Variants in DNAAF1 observed in about 807,000 individuals in gnomAD.
DNAAF1 encodes dynein assembly factor 1, axonemal.
DNAAF1 carries 65 observed loss-of-function variants against 71.1 expected under a neutral mutation model. The ratio of observed to expected loss-of-function variants is 0.91; its 90% CI spans 0.75 to 1.12. The LOEUF (loss-of-function observed/expected upper bound fraction) is 1.12, where lower values mean the gene tolerates loss of function less well. Ranked by LOEUF, DNAAF1 falls within the 50% of genes most tolerant of loss-of-function variation. The pLI is 0.00. For missense variants in DNAAF1, 1,178 were observed against 899.8 expected (o/e 1.31, Z -3.96); for synonymous variants, 414 against 354.6 (o/e 1.17, Z -1.88).
chr16:84,169,880 ATGG>A lies in DNAAF1; in HGVS notation c.1055_1057del (p.Gly352del). 1.9e-6 allele frequency: 3 copies of A among 1,613,948 alleles called. No homozygotes were observed. Among genetic ancestry groups the A allele is most frequent in the Non-Finnish European group, 1.7e-6 (2 of 1,180,046 alleles). On this transcript the variant is annotated inframe_deletion, in exon 8 of 12. Transcript: ENST00000378553. ...TTAGGGGAGATGACATCTTCAGATG[ATGG>A]TGAGAATGTGCCCGCCAGTGCGGAA...
intron 3 of DNAAF1, 34 bp from the exon 4 acceptor site, chr16:84,154,543 G>A: frequency 1.3e-6 from 2 of 1,598,082 alleles, no homozygotes; most frequent in Non-Finnish European, 8.6e-7. Context: ...CCTGGGAGTA[G>A]GAGCTTAATT....
At chr16:84,158,502 G>T (rs894052877) in intron 5 of DNAAF1, among the ~76,000 whole-genome samples, 6 of 152,176 alleles carry the variant, frequency 3.9e-5, no homozygotes, top group African/African-American at 1.4e-4. Flanking sequence ...CACATTCTGA[G>T]GTGCTGAGGG....
rs930724585 is a variant in DNAAF1 at position 84,177,894 on chromosome 16, G to C, written c.*53G>C. 2.0e-6 allele frequency: 3 copies of C among 1,470,852 alleles called. No homozygotes were observed. The African/African-American group carries it at 4.2e-5, about 20-fold the overall frequency. The allele number at this position is 1,470,852 out of a possible 1,614,324, so 91.1% of individuals were successfully genotyped here. ...GGTTTAATCATAAATGTCTCCCTTA[G>C]GCATGATAAACATTTTAACACCCAC... On this transcript the variant is annotated 3_prime_UTR_variant, in exon 12 of 12. Transcript: ENST00000378553.
At chr16:84,175,693 G>C (rs550726972) in intron 10 of DNAAF1, 1 of 555,366 alleles carries the variant, frequency 1.8e-6, no homozygotes, top group African/African-American at 1.9e-5. Flanking sequence ...AGGAGGGTGA[G>C]GAATAGCCAG....
intron 1 of DNAAF1, among the ~76,000 whole-genome samples, chr16:84,148,025 G>C (rs987990979): frequency 6.6e-6 from 1 of 151,656 alleles, no homozygotes; most frequent in Non-Finnish European, 1.5e-5. Context: ...CTGAGATCCC[G>C]CCACTGCACT....
intron 1 of DNAAF1, among the ~76,000 whole-genome samples, chr16:84,148,280 A>G (rs1202445890): frequency 1.3e-5 from 2 of 152,014 alleles, no homozygotes; most frequent in Non-Finnish European, 2.9e-5. Context: ...CTTATTTTGA[A>G]ACTTGCTTTT....
intron 7 of DNAAF1, among the ~76,000 whole-genome samples, chr16:84,167,530 G>T (rs1474240571): frequency 6.6e-6 from 1 of 152,136 alleles, no homozygotes; most frequent in Non-Finnish European, 1.5e-5. Flanking sequence ...AACAAAAGAT[G>T]TGCCTGTCAC....
intron 10 of DNAAF1, 45 bp from the exon 11 acceptor site, chr16:84,175,888 G>A: frequency 2.5e-6 from 4 of 1,608,394 alleles, no homozygotes; most frequent in Non-Finnish European, 2.5e-6. Flanking sequence ...GAGCGATTCT[G>A]TTGTGAAAAC....
At chr16:84,166,701 A>T (rs902285763) in intron 7 of DNAAF1, among the ~76,000 whole-genome samples, 1 of 152,096 alleles carries the variant, frequency 6.6e-6, no homozygotes, top group Non-Finnish European at 1.5e-5. Flanking sequence ...ATTTCCTCAC[A>T]ACCTGCAGAT....
chr16:84,169,355 G>A (rs1331036014), intron 7 of DNAAF1, among the ~76,000 whole-genome samples: 4 of 151,646 alleles, frequency 2.6e-5, no homozygotes, highest in African/African-American at 9.7e-5. Context: ...CAAAATGCTG[G>A]GATTACAAGC....
intron 7 of DNAAF1, among the ~76,000 whole-genome samples, chr16:84,169,292 G>C (rs1160150501): frequency 6.7e-6 from 1 of 149,866 alleles, no homozygotes; most frequent in Non-Finnish European, 1.5e-5. Context: ...CACCATGTTT[G>C]TCAGGCTGGT....
At chr16:84,167,294 A>G (rs1305381705) in intron 7 of DNAAF1, among the ~76,000 whole-genome samples, 1 of 152,160 alleles carries the variant, frequency 6.6e-6, no homozygotes, top group East Asian at 1.9e-4. Context: ...CTCTCTGGCC[A>G]CACCCCGCTC....
rs544934923 is a variant in DNAAF1 at position 84,148,413 on chromosome 16, C to T, written c.125-594C>T. Among the ~76,000 whole-genome samples, 21 of 151,862 alleles carry T rather than the reference C, an allele frequency of 1.4e-4. No homozygotes were observed. The South Asian group carries it at 1.5e-3, about 11-fold the overall frequency. On this transcript the variant is annotated intron_variant, in intron 1 of 11. Transcript: ENST00000378553. ...ACCAGCCCCTATGGATGGACATTTA[C>T]GTTGTTAACAGTTTTTGGCTTTTAT...
chr16:84,161,953 G>A (rs1421087809), intron 6 of DNAAF1, among the ~76,000 whole-genome samples: 1 of 152,124 alleles, frequency 6.6e-6, no homozygotes, highest in African/African-American at 2.4e-5. Flanking sequence ...TCACTGCTGG[G>A]TCCCCAGCCT....
At position 84,169,854 on chromosome 16, in the gene DNAAF1, A is replaced by G. The variant is rs79772571; in HGVS notation, c.1031-5A>G. The G allele has an allele frequency of 2.5e-6, 4 of 1,613,494 alleles. No individual in the cohort carries two copies. The highest frequency in any genetic ancestry group is 4.5e-5 in the East Asian group (2 of 44,884). On this transcript the variant is annotated splice_region_variant and splice_polypyrimidine_tract_variant and intron_variant, in intron 7 of 11. Coordinates refer to ENST00000378553, the MANE Select transcript of DNAAF1 (RefSeq NM_178452.6). ...CACATTCACCTTTGCATTTTCTGCC[A>G]TTAGGGGAGATGACATCTTCAGATG...
At chr16:84,171,879 CT>C (rs775231302) in intron 8 of DNAAF1, among the ~76,000 whole-genome samples, 6,912 of 138,778 alleles carry the variant, frequency 0.05, 207 homozygotes, top group African/African-American at 0.1. Flanking sequence ...GGGTTTTTGT[CT>C]TTTTTTTTTT....
chr16:84,174,264 C>G (rs1470565831), intron 9 of DNAAF1: 1 of 1,074,946 alleles, frequency 9.3e-7, no homozygotes, highest in African/African-American at 1.7e-5. Context: ...ACAAAAAAGT[C>G]CTACAAGTTT....
chr16:84,148,384 T>C (rs1241057675), intron 1 of DNAAF1, among the ~76,000 whole-genome samples: 2 of 152,082 alleles, frequency 1.3e-5, no homozygotes, highest in East Asian at 3.9e-4. Flanking sequence ...CATTGTTTTA[T>C]GTAACCAGCC....
chr16:84,177,668 C>A, intron 11 of DNAAF1, 61 bp from the exon 12 acceptor site: 1 of 1,434,670 alleles, frequency 7.0e-7, no homozygotes, highest in Non-Finnish European at 9.8e-7. Flanking sequence ...CCCAAGGCTG[C>A]CCCCCTGTCC....
Sources: allele counts gnomAD v4.1 joint callset (sites outside exome capture counted in the v4.1 genomes callset), GRCh38; gene constraint gnomAD v4.1.1; transcripts MANE v1.5; gene names NCBI Gene and HGNC (gene_info 2026-07-23, HGNC 2026-07-21).